Variants in CDC123 observed in about 807,000 individuals in gnomAD.
CDC123 encodes the protein translation initiation factor eIF2 assembly protein.
CDC123 carries 37 observed loss-of-function variants against 54.4 expected under a neutral mutation model. The observed-to-expected ratio is 0.68, with a 90% confidence interval of 0.52 to 0.89. The LOEUF (loss-of-function observed/expected upper bound fraction) is 0.89, where lower values mean the gene tolerates loss of function less well. Among genes scored for constraint, CDC123 ranks in the 40% least tolerant of loss-of-function variants. The pLI is 0.00. For missense variants in CDC123, 361 were observed against 412.1 expected, an observed-to-expected ratio of 0.88 and a Z score of 1.07; for synonymous variants, 144 against 136.8, an observed-to-expected ratio of 1.05 and a Z score of -0.37.
At position 12,246,260 on chromosome 10, in the gene CDC123, G is replaced by T. The variant is rs576722777; in HGVS notation, c.829G>T (p.Val277Phe). The T allele has an allele frequency of 6.2e-7, 1 of 1,614,174 alleles. No individual in the cohort carries two copies. The highest frequency in any genetic ancestry group is 1.1e-5 in the South Asian group (1 of 91,074). Residue 277 changes from valine to phenylalanine, a missense_variant, in exon 11 of 13, where the codon GTT becomes TTT. Transcript: ENST00000281141. The part of the protein sequence containing the change: ...ENNLNGDFSE[V>F]DAQEQDSPAF... ...CAACTTAAACGGCGATTTTAGTGAA[G>T]TTGACGCTCAAGAGCAGGTACAACA...
intron 6 of CDC123, among the ~76,000 whole-genome samples, chr10:12,225,029 A>G (rs1380228573): frequency 6.6e-6 from 1 of 152,140 alleles, no homozygotes; most frequent in Non-Finnish European, 1.5e-5. Flanking sequence ...GTTGGTGGAC[A>G]GGCATATCCT....
At chr10:12,226,581 G>A (rs1157631789) in intron 6 of CDC123, among the ~76,000 whole-genome samples, 13 of 151,730 alleles carry the variant, frequency 8.6e-5, no homozygotes, top group Admixed American at 2.0e-4. Context: ...CCCAGACAGC[G>A]TCGCGGCTGG....
intron 7 of CDC123, among the ~76,000 whole-genome samples, chr10:12,231,767 T>TA (rs1835905352): frequency 6.6e-6 from 1 of 152,050 alleles, no homozygotes; most frequent in Non-Finnish European, 1.5e-5. Flanking sequence ...CACACGCACA[T>TA]ACCCTGATCT....
Position 12,196,247 on chromosome 10 carries a change from TGAA to T in CDC123, c.7_9del (p.Lys3?), listed in dbSNP as rs1433859862. ...GGCAGCAGCGGCGGCAGCTGGAGGA[TGAA>T]GAAGGAGCATGTGCTTCACTGCCAG... is the stretch of plus-strand genomic sequence containing the variant. On this transcript the variant is annotated start_lost and inframe_deletion, in exon 1 of 13. Coordinates refer to ENST00000281141, the MANE Select transcript of CDC123 (RefSeq NM_006023.3). The T allele has an allele frequency of 2.5e-6, 4 of 1,613,752 alleles. No homozygotes were observed. The highest frequency in any genetic ancestry group is 3.4e-6 in the Non-Finnish European group (4 of 1,179,908).
At chr10:12,219,850 T>TA (rs1430046317) in intron 6 of CDC123, among the ~76,000 whole-genome samples, 2 of 152,134 alleles carry the variant, frequency 1.3e-5, no homozygotes, top group Non-Finnish European at 2.9e-5. Flanking sequence ...CACGCCCAGC[T>TA]AATTTTTTTT....
At chr10:12,234,956 G>A (rs1320350870) in intron 7 of CDC123, 92 bp from the exon 8 acceptor site, 15 of 846,320 alleles carry the variant, frequency 1.8e-5, no homozygotes, top group Non-Finnish European at 2.9e-5. Flanking sequence ...TTTGATAATG[G>A]CAATCATTAA....
intron 6 of CDC123, among the ~76,000 whole-genome samples, chr10:12,223,369 G>A (rs949726123): frequency 4.6e-5 from 7 of 151,292 alleles, no homozygotes; most frequent in African/African-American, 1.7e-4. Context: ...CACTGCAACC[G>A]CTGCCTCCCA....
rs372570495 is a variant in CDC123 at position 12,249,576 on chromosome 10, T to C, written c.847-5T>C. 3 of 1,609,788 alleles carry C rather than the reference T, an allele frequency of 1.9e-6. No individual in the cohort carries two copies. The highest frequency in any genetic ancestry group is 2.7e-5 in the African/African-American group (2 of 74,630). The stretch of plus-strand genomic sequence containing the variant: ...TATTCTTTCTCCTTTTTCTTCTTTG[T>C]ACAGGATTCCCCAGCTTTCCGTTGC... On this transcript the variant is annotated splice_polypyrimidine_tract_variant and splice_region_variant and intron_variant, in intron 11 of 12. Transcript: ENST00000281141.
At chr10:12,228,792 A>T (rs1435806476) in intron 6 of CDC123, among the ~76,000 whole-genome samples, 2 of 151,974 alleles carry the variant, frequency 1.3e-5, no homozygotes, top group East Asian at 3.9e-4. Context: ...CTGGTCTCGA[A>T]CTCCCAACCT....
At chr10:12,222,875 G>C (rs1835755427) in intron 6 of CDC123, among the ~76,000 whole-genome samples, 1 of 151,332 alleles carries the variant, frequency 6.6e-6, no homozygotes, top group Admixed American at 6.6e-5. Flanking sequence ...GCTCATCACT[G>C]GATATGTTAC....
At position 12,212,694 on chromosome 10, in the gene CDC123, C is replaced by T. The variant is rs532970893; in HGVS notation, c.237+2372C>T. On this transcript the variant is annotated intron_variant, in intron 4 of 12. Transcript: ENST00000281141. ...ACAAGTGGAAAATTCCACACCTGAC[C>T]TCATGTGACAGGTACAGCCACAATG... 3.9e-5 allele frequency among the ~76,000 whole-genome samples: 6 copies of T among 152,268 alleles called. No homozygotes were observed. In the East Asian group the frequency reaches 1.2e-3, roughly 29 times the overall value.
chr10:12,234,932 T>C, intron 7 of CDC123, 116 bp from the exon 8 acceptor site: 1 of 734,648 alleles, frequency 1.4e-6, no homozygotes, highest in Non-Finnish European at 2.3e-6. Context: ...CATATGCCTC[T>C]TTTTTTAAAA....
chr10:12,228,136 T>A (rs2131751176), intron 6 of CDC123, among the ~76,000 whole-genome samples: 1 of 152,088 alleles, frequency 6.6e-6, no homozygotes, highest in East Asian at 1.9e-4. Context: ...GACCTAGCTT[T>A]GTTGCCCAGG....
At chr10:12,233,315 A>ACT (rs1554749116) in intron 7 of CDC123, among the ~76,000 whole-genome samples, 9 of 125,872 alleles carry the variant, frequency 7.2e-5, no homozygotes, top group African/African-American at 2.6e-4. Flanking sequence ...ACACACACAC[A>ACT]CTCTCTGTCT....
intron 11 of CDC123, among the ~76,000 whole-genome samples, chr10:12,248,334 C>T (rs964137946): frequency 5.9e-5 from 9 of 151,334 alleles, no homozygotes; most frequent in African/African-American, 2.2e-4. Flanking sequence ...ATGGTGAAAC[C>T]CCGTCTCTAC....
intron 6 of CDC123, among the ~76,000 whole-genome samples, chr10:12,218,012 C>T (rs1366063030): frequency 6.6e-6 from 1 of 152,068 alleles, no homozygotes; most frequent in East Asian, 1.9e-4. Flanking sequence ...TGGCTTGAAC[C>T]CGGGAGGCGG....
intron 12 of CDC123, chr10:12,250,037 T>A (rs747692987): frequency 6.6e-5 from 31 of 471,878 alleles, no homozygotes; most frequent in Non-Finnish European, 9.6e-5. Context: ...GGTGGTGATT[T>A]TACTCAAGAG....
At position 12,233,278 on chromosome 10, in the gene CDC123, T is replaced by TACACACACACAC. The variant is rs57596982; in HGVS notation, c.490-1743_490-1732dup. On this transcript the variant is annotated intron_variant, in intron 7 of 12. Transcript: ENST00000281141. ...TTCTCCTGTCTGTGTGTATTTAAAA[T>TACACACACACAC]ACACACACACACACACACACACACA... 2.9e-3 allele frequency among the ~76,000 whole-genome samples: 421 copies of TACACACACACAC among 145,674 alleles called. 1 individual carries two copies. Among genetic ancestry groups the TACACACACACAC allele is most frequent in the Middle Eastern group, 0.014 (4 of 288 alleles).
chr10:12,210,842 A>G (rs1234239551), intron 4 of CDC123, among the ~76,000 whole-genome samples: 1 of 152,132 alleles, frequency 6.6e-6, no homozygotes. Flanking sequence ...CTGGGATTAC[A>G]GTCACCTGAC....
Sources: gnomAD v4.1 joint callset for allele counts (sites outside exome capture counted in the v4.1 genomes callset) on GRCh38, gnomAD v4.1.1 for gene constraint, MANE v1.5 for transcripts, NCBI Gene and HGNC (gene_info 2026-07-23, HGNC 2026-07-21) for gene names.